KIAA1328: variants seen among roughly 807,000 people sequenced by gnomAD.
The protein encoded by KIAA1328 is protein hinderin.
Under a neutral mutation model 68.1 loss-of-function variants are expected in KIAA1328, and 52 were observed. The observed-to-expected ratio is 0.76, with a 90% CI of 0.61 to 0.96. The LOEUF is 0.96. Among genes scored for constraint, KIAA1328 ranks in the 40% least tolerant of loss-of-function variants. The pLI is 0.00. For missense variants in KIAA1328, 641 were observed against 677.6 expected (o/e 0.95, Z 0.60); for synonymous variants, 232 against 239.4 (o/e 0.97, Z 0.28).
At chr18:37,158,151 G>C (rs552085838) in intron 7 of KIAA1328, among the ~76,000 whole-genome samples, 22 of 152,026 alleles carry the variant, frequency 1.4e-4, no homozygotes, top group African/African-American at 5.3e-4. Flanking sequence ...TGCTGCCTCA[G>C]CTTCCCAAGT....
intron 5 of KIAA1328, among the ~76,000 whole-genome samples, chr18:36,925,514 T>A (rs1346360278): frequency 1.3e-5 from 2 of 152,134 alleles, no homozygotes; most frequent in Non-Finnish European, 2.9e-5. Flanking sequence ...ATTAGTTACA[T>A]TTTAGCCTTC....
chr18:36,922,103 A>G (rs955122483), intron 5 of KIAA1328, among the ~76,000 whole-genome samples: 1 of 152,016 alleles, frequency 6.6e-6, no homozygotes, highest in African/African-American at 2.4e-5. Flanking sequence ...GTAGCTAGTC[A>G]AGTCATGGCA....
intron 9 of KIAA1328, among the ~76,000 whole-genome samples, chr18:37,183,560 C>A (rs745840036): frequency 6.6e-6 from 1 of 152,176 alleles, no homozygotes; most frequent in East Asian, 1.9e-4. Flanking sequence ...TACCCAAGCC[C>A]AGGGCCTCTT....
chr18:37,027,885 A>C (rs934795116), intron 6 of KIAA1328, among the ~76,000 whole-genome samples: 2 of 152,170 alleles, frequency 1.3e-5, no homozygotes, highest in African/African-American at 2.4e-5. Context: ...AATTAAACTA[A>C]AGAGCTTCTG....
At chr18:36,871,551 G>C (rs944410537) in intron 4 of KIAA1328, among the ~76,000 whole-genome samples, 2 of 151,932 alleles carry the variant, frequency 1.3e-5, no homozygotes, top group Non-Finnish European at 2.9e-5. Flanking sequence ...TCCAGCCTTG[G>C]AAATAAGAAA....
chr18:37,142,942 G>GTTTT (rs551875920), intron 7 of KIAA1328, among the ~76,000 whole-genome samples: 2 of 140,366 alleles, frequency 1.4e-5, no homozygotes, highest in Non-Finnish European at 1.6e-5. Flanking sequence ...ATTTACTTTG[G>GTTTT]TTTTTTTTTT....
intron 6 of KIAA1328, among the ~76,000 whole-genome samples, chr18:36,992,899 C>T (rs2053245172): frequency 6.6e-6 from 1 of 152,050 alleles, no homozygotes; most frequent in Non-Finnish European, 1.5e-5. Flanking sequence ...AGCCCAGGAA[C>T]TTGAGACTAG....
chr18:37,027,172 G>A lies in KIAA1328; in HGVS notation c.577-39718G>A, dbSNP rs893712102. On this transcript the variant is annotated intron_variant, in intron 6 of 9. Transcript: ENST00000280020. ...AATCCAACTTACAAGGGACGTGAAG[G>A]ACCTCTTCAAGGAGAACTACAAACC... is the stretch of plus-strand genomic sequence containing the variant. 1.7e-4 allele frequency among the ~76,000 whole-genome samples: 26 copies of A among 152,266 alleles called. No homozygotes were observed. In the East Asian group the frequency reaches 4.6e-3, roughly 27 times the overall value.
At chr18:37,044,060 A>G (rs1346620363) in intron 6 of KIAA1328, among the ~76,000 whole-genome samples, 2 of 152,220 alleles carry the variant, frequency 1.3e-5, no homozygotes, top group African/African-American at 4.8e-5. Context: ...TTCACGTTTA[A>G]TTTAACAAAC....
At chr18:37,003,742 C>G (rs1018278233) in intron 6 of KIAA1328, among the ~76,000 whole-genome samples, 2 of 152,082 alleles carry the variant, frequency 1.3e-5, no homozygotes, top group Non-Finnish European at 1.5e-5. Context: ...AGTCCTTGAT[C>G]TGTCTTGAGT....
intron 6 of KIAA1328, among the ~76,000 whole-genome samples, chr18:37,020,193 G>A (rs1339903695): frequency 2.0e-5 from 3 of 151,938 alleles, no homozygotes; most frequent in Admixed American, 6.6e-5. Context: ...GTGCTATCTC[G>A]ACTCACTGCA....
chr18:37,101,786 A>C (rs945463217), intron 7 of KIAA1328, among the ~76,000 whole-genome samples: 3 of 152,230 alleles, frequency 2.0e-5, no homozygotes, highest in Admixed American at 2.0e-4. Flanking sequence ...GGTTACCCAC[A>C]AAGGGAAACC....
intron 4 of KIAA1328, among the ~76,000 whole-genome samples, chr18:36,866,384 C>T (rs552585228): frequency 6.6e-6 from 1 of 152,144 alleles, no homozygotes; most frequent in Non-Finnish European, 1.5e-5. Context: ...TACAGATGCT[C>T]TCTTTATCCC....
chr18:36,845,506 C>T lies in KIAA1328; in HGVS notation c.332+1204C>T, dbSNP rs542302248. 2.0e-5 allele frequency among the ~76,000 whole-genome samples: 3 copies of T among 151,768 alleles called. No homozygotes were observed. In the South Asian group the frequency reaches 6.2e-4, roughly 31 times the overall value. ...TGCTGACCCATTTCATTTGAGCTGC[C>T]AAGCTTGGAGAATACCTGAAATATT... On this transcript the variant is annotated intron_variant, in intron 4 of 9. Coordinates refer to ENST00000280020, the MANE Select transcript of KIAA1328 (RefSeq NM_020776.3).
chr18:36,848,544 T>C (rs2047107519), intron 4 of KIAA1328, among the ~76,000 whole-genome samples: 1 of 141,412 alleles, frequency 7.1e-6, no homozygotes, highest in East Asian at 2.0e-4. Context: ...ATAGATGCTT[T>C]TTTTTTTTTT....
At chr18:37,057,373 A>G (rs1299345549) in intron 6 of KIAA1328, among the ~76,000 whole-genome samples, 1 of 151,980 alleles carries the variant, frequency 6.6e-6, no homozygotes, top group Non-Finnish European at 1.5e-5. Flanking sequence ...TTAAAGAACC[A>G]TCATTAAATG....
rs553028002 is a variant in KIAA1328, at chr18:37,173,083, T to C, written c.1523+2T>C. The C allele has an allele frequency of 6.2e-6, 10 of 1,602,680 alleles. No individual in the cohort carries two copies. The highest frequency in any genetic ancestry group is 1.3e-5 in the African/African-American group (1 of 74,650). ...ATCATTACAGCACACCACCTCCCGG[T>C]AAGCTTCAGAGATTCTTTAGTTTTT... On this transcript the variant is annotated splice_donor_variant, in intron 9 of 9. Transcript: ENST00000280020. LOFTEE classifies it high-confidence loss of function.
chr18:37,066,291 T>C (rs947780984), intron 6 of KIAA1328, among the ~76,000 whole-genome samples: 5 of 152,222 alleles, frequency 3.3e-5, no homozygotes, highest in Admixed American at 2.0e-4. Context: ...AAATCACTTA[T>C]GTTTGTAGAT....
At chr18:37,230,782 C>G (rs2060660842), downstream of KIAA1328, 1 of 152,188 alleles carries the variant, frequency 6.6e-6, no homozygotes, top group Non-Finnish European at 1.5e-5. Context: ...TAGAAGACAC[C>G]TCCTTTCCTC....
Sources: gnomAD v4.1 joint callset for allele counts (sites outside exome capture counted in the v4.1 genomes callset) on GRCh38, gnomAD v4.1.1 for gene constraint, MANE v1.5 for transcripts, NCBI Gene and HGNC (gene_info 2026-07-23, HGNC 2026-07-21) for gene names.